Variants in TRIM56 observed in about 807,000 individuals in gnomAD.
TRIM56 encodes tripartite motif containing 56, also known as E3 ubiquitin-protein ligase TRIM56.
In TRIM56, 10 loss-of-function variants were observed where a neutral mutation model predicts 17.1. The ratio of observed to expected loss-of-function variants is 0.58; its 90% confidence interval spans 0.36 to 0.99. TRIM56 has a LOEUF of 0.99. Ranked by LOEUF, TRIM56 falls within the 50% of genes least tolerant of loss-of-function variation. The pLI is 0.01. For missense variants in TRIM56, 923 were observed against 1,052.3 expected (o/e 0.88, Z 1.70); for synonymous variants, 503 against 473.5 (o/e 1.06, Z -0.81).
At chr7:101,086,840 G>A (rs1268056153) in intron 1 of TRIM56, 166 bp from the exon 2 acceptor site, 11 of 160,074 alleles carry the variant, frequency 6.9e-5, no homozygotes, top group African/African-American at 2.2e-4. Flanking sequence ...TGGGATCCCC[G>A]TCTGTGTCCT....
rs1795516384 is a variant in TRIM56, at chr7:101,089,061, G to A, written c.1749G>A (p.Arg583=). ...INPNGEVQWR[R]ALSLSQASHA... is the part of the protein sequence containing the mutation. ...CCAACGGCGAAGTGCAGTGGCGCAGGGCCCTGAGCCTCTCCCAGGCCAGCC... is the reference window on the plus strand; with the variant it reads ...CCAACGGCGAAGTGCAGTGGCGCAGAGCCCTGAGCCTCTCCCAGGCCAGCC... The change falls in exon 3 of 3, where the codon AGG becomes AGA. Residue 583 remains arginine, a synonymous_variant. Coordinates refer to ENST00000306085, the MANE Select transcript of TRIM56 (RefSeq NM_030961.3). 6.3e-7 allele frequency: 1 copy of A among 1,599,048 alleles called. No homozygotes were observed. The highest frequency in any genetic ancestry group is 8.5e-7 in the Non-Finnish European group (1 of 1,175,962).
In TRIM56 at chr7:101,088,752, G is replaced by A. The variant is rs368337732; in HGVS notation, c.1440G>A (p.Pro480=). Reference sequence around the variant, plus strand: ...GGGAGCCCAGCCCAGCCCTGGGGCCGAATCTGGACGGCTCTGGCCTCCTCC... The same window carrying A: ...GGGAGCCCAGCCCAGCCCTGGGGCCAAATCTGGACGGCTCTGGCCTCCTCC... The part of the protein sequence containing the change: ...ISREPSPALG[P]NLDGSGLLPR... The change falls in exon 3 of 3, where the codon CCG becomes CCA. Residue 480 remains proline, a synonymous_variant. Coordinates refer to ENST00000306085, the MANE Select transcript of TRIM56 (RefSeq NM_030961.3). The A allele has an allele frequency of 1.3e-4, 203 of 1,613,884 alleles. 1 individual carries two copies. The highest frequency in any genetic ancestry group is 1.6e-4 in the Non-Finnish European group (189 of 1,180,042).
At chr7:101,086,836 C>T (rs116647880) in intron 1 of TRIM56, 170 bp from the exon 2 acceptor site, 2,612 of 159,606 alleles carry the variant, frequency 0.016, 75 homozygotes, top group African/African-American at 0.059. Context: ...CCACTGGGAT[C>T]CCCGTCTGTG....
chr7:101,088,224 C>G lies in TRIM56; in HGVS notation c.912C>G (p.Ala304=), dbSNP rs4524722. Residue 304 remains alanine (A), a synonymous_variant, in exon 3 of 3, where the codon GCC becomes GCG. Transcript: ENST00000306085. ...AGGGCCGGGAGCAGGTGGCCAGGGC[C>G]GCAGCCGCCTTCGCCCGCCGGGTAC... ...ELEGREQVAR[A]AAAFARRVLS... 1,063,903 of 1,459,818 alleles carry G rather than the reference C, an allele frequency of 0.73. 391,617 individuals carry two copies. The highest frequency in any genetic ancestry group is 0.89 in the African/African-American group (62,618 of 70,610). 90.4% of individuals were successfully genotyped at this position (1,459,818 alleles called of 1,614,324 possible).
rs761431092 is a variant in TRIM56 at position 101,088,962 on chromosome 7, C to T, written c.1650C>T (p.Cys550=). Residue 550 remains cysteine (C), a synonymous_variant, in exon 3 of 3, where the codon TGC becomes TGT. Transcript: ENST00000306085. ...YKGTVPVPEG[C]SPCSVAALQS... ...GCACCGTGCCGGTCCCTGAGGGCTG[C>T]TCCCCTTGCAGCGTGGCCGCCCTGC... 26 of 1,612,782 alleles carry T rather than the reference C, an allele frequency of 1.6e-5. No individual in the cohort carries two copies. Among genetic ancestry groups the T allele is most frequent in the Non-Finnish European group, 2.1e-5 (25 of 1,180,034 alleles).
chr7:101,090,316 A>G lies in TRIM56; in HGVS notation c.*736A>G, dbSNP rs1795539695. 6.0e-6 allele frequency: 1 copy of G among 166,994 alleles called. No individual in the cohort carries two copies. The highest frequency in any genetic ancestry group is 2.1e-4 in the South Asian group (1 of 4,826). The allele number at this position is 166,994 out of a possible 1,614,324, so 10.3% of individuals were successfully genotyped here. The stretch of plus-strand genomic sequence containing the variant: ...ATCGCTTCTCAGCCTTTTGGCTAAG[A>G]TTAAGTATTAAAAAAAAACCAGGCT... On this transcript the variant is annotated 3_prime_UTR_variant, in exon 3 of 3. Coordinates refer to ENST00000306085, the MANE Select transcript of TRIM56 (RefSeq NM_030961.3).
chr7:101,087,330 C>T lies in TRIM56; in HGVS notation c.18C>T (p.Ser6=). ...CCTGCAGCATGGTTTCCCACGGGTC[C>T]TCGCCCTCCCTCCTGGAGGCCCTGA... MVSHG[S]SPSLLEALSS... Residue 6 remains serine, a synonymous_variant, in exon 3 of 3, where the codon TCC becomes TCT. Coordinates refer to ENST00000306085, the MANE Select transcript of TRIM56 (RefSeq NM_030961.3). The T allele has an allele frequency of 1.2e-6, 2 of 1,612,536 alleles. No individual in the cohort carries two copies. The highest frequency in any genetic ancestry group is 1.7e-6 in the Non-Finnish European group (2 of 1,179,592).
Position 101,087,525 on chromosome 7 carries a change from C to A in TRIM56, c.213C>A (p.Ala71=). 1 of 1,613,370 alleles carries A rather than the reference C, an allele frequency of 6.2e-7. No homozygotes were observed. The highest frequency in any genetic ancestry group is 8.5e-7 in the Non-Finnish European group (1 of 1,179,670). Residue 71 remains alanine, a synonymous_variant, in exon 3 of 3, where the codon GCC becomes GCA. Coordinates refer to ENST00000306085, the MANE Select transcript of TRIM56 (RefSeq NM_030961.3). ...ETVPVPPEGV[A]SFKTNFFVNG... is the part of the protein sequence containing the mutation. ...TGCCTGTGCCGCCCGAGGGTGTGGC[C>A]TCCTTCAAGACCAACTTCTTCGTCA...
In TRIM56 at chr7:101,089,660, C is replaced by G. The variant is rs1056502913; in HGVS notation, c.*80C>G. On this transcript the variant is annotated 3_prime_UTR_variant, in exon 3 of 3. Coordinates refer to ENST00000306085, the MANE Select transcript of TRIM56 (RefSeq NM_030961.3). ...AGAGCTGTCCGTGGGAGGTGGAGGCCGAGGACATTTTCCTGAAGGGCAGGG... is the reference window on the plus strand; with the variant it reads ...AGAGCTGTCCGTGGGAGGTGGAGGCGGAGGACATTTTCCTGAAGGGCAGGG... 2.0e-5 allele frequency: 27 copies of G among 1,379,878 alleles called. No homozygotes were observed. In the East Asian group the frequency reaches 6.6e-4, roughly 34 times the overall value. The allele number at this position is 1,379,878 out of a possible 1,614,324, so 85.5% of individuals were successfully genotyped here.
intron 1 of TRIM56, among the ~76,000 whole-genome samples, chr7:101,085,811 G>C (rs185642388): frequency 8.5e-5 from 13 of 152,292 alleles, no homozygotes; most frequent in Non-Finnish European, 1.8e-4. Context: ...CCCAGCTCCA[G>C]AAAAGGGGAC....
chr7:101,089,673 C>T lies in TRIM56; in HGVS notation c.*93C>T. The T allele has an allele frequency of 3.1e-6, 4 of 1,296,554 alleles. No individual in the cohort carries two copies. In the South Asian group the frequency reaches 4.5e-5, roughly 15 times the overall value. The allele number at this position is 1,296,554 out of a possible 1,614,324, so 80.3% of individuals were successfully genotyped here. On this transcript the variant is annotated 3_prime_UTR_variant, in exon 3 of 3. Transcript: ENST00000306085. Reference sequence around the variant, plus strand: ...GGAGGTGGAGGCCGAGGACATTTTCCTGAAGGGCAGGGGTTGGCAACTTTT... The same window carrying T: ...GGAGGTGGAGGCCGAGGACATTTTCTTGAAGGGCAGGGGTTGGCAACTTTT...
At position 101,089,553 on chromosome 7, in the gene TRIM56, C is replaced by A. The variant is rs1197679147; in HGVS notation, c.2241C>A (p.Ile747=). ...VVSLSNGTIH[I]FRVRSPDS ...CCCTCAGTAACGGGACCATCCACATCTTTCGGGTCCGTTCTCCGGACAGTT... is the reference window on the plus strand; with the variant it reads ...CCCTCAGTAACGGGACCATCCACATATTTCGGGTCCGTTCTCCGGACAGTT... Residue 747 remains isoleucine (I), a synonymous_variant, in exon 3 of 3, where the codon ATC becomes ATA. Coordinates refer to ENST00000306085, the MANE Select transcript of TRIM56 (RefSeq NM_030961.3). 2.5e-6 allele frequency: 4 copies of A among 1,614,038 alleles called. No homozygotes were observed. The highest frequency in any genetic ancestry group is 3.4e-6 in the Non-Finnish European group (4 of 1,179,956).
At chr7:101,086,037 G>A (rs746810690) in intron 1 of TRIM56, among the ~76,000 whole-genome samples, 2 of 152,160 alleles carry the variant, frequency 1.3e-5, no homozygotes, top group Non-Finnish European at 2.9e-5. Flanking sequence ...TCCAGAATCC[G>A]CTTTAGAAAC....
In TRIM56 at chr7:101,087,984, C is replaced by T; in HGVS notation, c.672C>T (p.Asp224=). 1 of 1,592,322 alleles carries T rather than the reference C, an allele frequency of 6.3e-7. No individual in the cohort carries two copies. The highest frequency in any genetic ancestry group is 8.5e-7 in the Non-Finnish European group (1 of 1,175,758). ...PGLEGLLAGV[D]NNLVELEAAR... ...TGGAGGGACTGCTGGCCGGTGTGGA[C>T]AATAACCTGGTGGAGCTGGAGGCAG... Residue 224 remains aspartate (D), a synonymous_variant, in exon 3 of 3, where the codon GAC becomes GAT. Transcript: ENST00000306085.
chr7:101,090,800 G>A lies in TRIM56; in HGVS notation c.*1220G>A, dbSNP rs1795551030. On this transcript the variant is annotated 3_prime_UTR_variant, in exon 3 of 3. Transcript: ENST00000306085. Reference sequence around the variant, plus strand: ...CCAGTCTGAGGGAAGAGGTACATAGGATAGAAAAATCTCTAGGCTCCAACG... The same window carrying A: ...CCAGTCTGAGGGAAGAGGTACATAGAATAGAAAAATCTCTAGGCTCCAACG... The A allele has an allele frequency of 6.6e-6, 1 of 152,276 alleles. No homozygotes were observed. The highest frequency in any genetic ancestry group is 2.4e-5 in the African/African-American group (1 of 41,538). 9.4% of individuals were successfully genotyped at this position (152,276 alleles called of 1,614,324 possible).
chr7:101,087,064 C>A lies in TRIM56; in HGVS notation c.-106C>A. The A allele has an allele frequency of 1.9e-6, 1 of 538,080 alleles. No individual in the cohort carries two copies. Among genetic ancestry groups the A allele is most frequent in the South Asian group, 2.6e-5 (1 of 38,276 alleles). The allele number at this position is 538,080 out of a possible 1,614,324, so 33.3% of individuals were successfully genotyped here. A position where few individuals can be genotyped will look rare whatever the true frequency, so the allele number is the denominator to read the frequency against. On this transcript the variant is annotated 5_prime_UTR_variant, in exon 2 of 3. Coordinates refer to ENST00000306085, the MANE Select transcript of TRIM56 (RefSeq NM_030961.3). ...CATTTTTACGTTTGCTGGATGTACACACGGAAGTGGAGGAGGAGGAGGAGA... is the reference window on the plus strand; with the variant it reads ...CATTTTTACGTTTGCTGGATGTACAAACGGAAGTGGAGGAGGAGGAGGAGA...
At position 101,089,609 on chromosome 7, in the gene TRIM56, G is replaced by A. The variant is rs1795528912; in HGVS notation, c.*29G>A. On this transcript the variant is annotated 3_prime_UTR_variant, in exon 3 of 3. Coordinates refer to ENST00000306085, the MANE Select transcript of TRIM56 (RefSeq NM_030961.3). Reference sequence around the variant, plus strand: ...GGCTAGGACTAGGGTGAGAGGGAGTGGGGAGGGAGAGGGCAGGAAGGAGGC... The same window carrying A: ...GGCTAGGACTAGGGTGAGAGGGAGTAGGGAGGGAGAGGGCAGGAAGGAGGC... 8.8e-6 allele frequency: 14 copies of A among 1,581,960 alleles called. No individual in the cohort carries two copies. The highest frequency in any genetic ancestry group is 1.1e-5 in the South Asian group (1 of 88,158).
At chr7:101,087,261 G>A in intron 2 of TRIM56, 51 bp from the exon 3 acceptor site, 1 of 1,517,364 alleles carries the variant, frequency 6.6e-7, no homozygotes, top group Middle Eastern at 1.9e-4. Flanking sequence ...GCTAGAGGGT[G>A]AGCTGGTGAA....
chr7:101,095,222 T>C lies in TRIM56; in HGVS notation c.*5642T>C, dbSNP rs906917598. The C allele has an allele frequency of 2.6e-5, 4 of 152,046 alleles. No homozygotes were observed. Among genetic ancestry groups the C allele is most frequent in the Non-Finnish European group, 5.9e-5 (4 of 68,114 alleles). The allele number at this position is 152,046 out of a possible 1,614,324, so 9.4% of individuals were successfully genotyped here. ...GACCCCATCTCTACAAAAAAATTTTTAAATTAGCCAGAGGTGGTGGCATGC... is the reference window on the plus strand; with the variant it reads ...GACCCCATCTCTACAAAAAAATTTTCAAATTAGCCAGAGGTGGTGGCATGC... On this transcript the variant is annotated 3_prime_UTR_variant, in exon 3 of 3. Transcript: ENST00000306085.
Sources: gnomAD v4.1 joint callset for allele counts (sites outside exome capture counted in the v4.1 genomes callset) on GRCh38, gnomAD v4.1.1 for gene constraint, MANE v1.5 for transcripts, NCBI Gene and HGNC (gene_info 2026-07-23, HGNC 2026-07-21) for gene names.